The following PDGFA variants were observed in gnomAD, a reference collection of about 807,000 sequenced individuals.
The protein encoded by PDGFA is platelet derived growth factor subunit A.
A neutral mutation model predicts 25.6 loss-of-function variants in PDGFA; 9 were observed. That is an observed-to-expected ratio of 0.35 (90% CI 0.21 to 0.61). The LOEUF is 0.61. PDGFA is among the 20% of genes least tolerant of loss of function. PDGFA has a pLI of 0.75. For synonymous variants in PDGFA, 133 were observed against 111.8 expected (o/e 1.19, Z -1.20); for missense variants, 242 against 272.8 (o/e 0.89, Z 0.79).
In PDGFA at chr7:517,729, G is replaced by GC. The variant is rs575457977; in HGVS notation, c.64-240dup. 0.029 allele frequency among the ~76,000 whole-genome samples: 4,263 copies of GC among 145,038 alleles called. 122 individuals carry two copies. Among genetic ancestry groups the GC allele is most frequent in the African/African-American group, 0.079 (3,096 of 39,030 alleles). ...ATGTTCCGCCCTTTGCAAAATCAAA[G>GC]CCCCCCCCCCTTTATATTTTCAGAC... On this transcript the variant is annotated intron_variant, in intron 1 of 5. Transcript: ENST00000402802. This position sits in a 1 kb window ranked among gnomAD's most constrained non-coding sequence, Gnocchi z 7.4.
At chr7:511,875 G>A (rs778786438) in intron 3 of PDGFA, among the ~76,000 whole-genome samples, 69 of 152,262 alleles carry the variant, frequency 4.5e-4, no homozygotes, top group Non-Finnish European at 7.8e-4. Flanking sequence ...TGAGTGGGGC[G>A]GGGCACACGG....
At chr7:518,681 C>A (rs1020709602) in intron 1 of PDGFA, among the ~76,000 whole-genome samples, 1 of 152,136 alleles carries the variant, frequency 6.6e-6, no homozygotes, top group African/African-American at 2.4e-5. Flanking sequence ...GAGGACACTG[C>A]GCCCCCCGAA....
chr7:514,701 C>T (rs1006263869), intron 2 of PDGFA, among the ~76,000 whole-genome samples: 4 of 152,224 alleles, frequency 2.6e-5, no homozygotes, highest in Non-Finnish European at 1.5e-5. Flanking sequence ...TTTACGTTAT[C>T]AGCCGCTCAA....
At chr7:515,188 T>C (rs1291443583) in intron 2 of PDGFA, among the ~76,000 whole-genome samples, 1 of 152,286 alleles carries the variant, frequency 6.6e-6, no homozygotes. Flanking sequence ...GGAAGGGTTA[T>C]AAAGGGACTC....
At chr7:509,578 A>C (rs1166474738) in intron 4 of PDGFA, among the ~76,000 whole-genome samples, 2 of 152,148 alleles carry the variant, frequency 1.3e-5, no homozygotes, top group African/African-American at 2.4e-5. Flanking sequence ...GGTGTGAGCC[A>C]CCTCGCCTGG....
At chr7:518,888 G>T in intron 1 of PDGFA, 51 bp downstream of exon 1, 2 of 1,277,072 alleles carry the variant, frequency 1.6e-6, no homozygotes, top group South Asian at 1.4e-5. Flanking sequence ...CCGGCGGGGG[G>T]TGTGCGCCGG....
intron 2 of PDGFA, chr7:512,663 A>T: frequency 6.7e-7 from 1 of 1,502,892 alleles, no homozygotes; most frequent in Non-Finnish European, 8.9e-7. Flanking sequence ...GGCATGAAAC[A>T]CTGGAAACCG....
chr7:506,410 C>T (rs1351829670), intron 4 of PDGFA, among the ~76,000 whole-genome samples: 1 of 152,102 alleles, frequency 6.6e-6, no homozygotes, highest in Non-Finnish European at 1.5e-5. Flanking sequence ...AGGACCTCCA[C>T]TCCGCCCACC....
At position 500,210 on chromosome 7, in the gene PDGFA, GA is replaced by G. The variant is rs1782264529; in HGVS notation, c.580+905del. Among the ~76,000 whole-genome samples the G allele has an allele frequency of 6.6e-6, 1 of 152,236 alleles. No individual in the cohort carries two copies. The highest frequency in any genetic ancestry group is 2.4e-5 in the African/African-American group (1 of 41,464). Reference sequence around the variant, plus strand: ...AACGACAAAGAGAAGGACAAAGCTGGAGGCAGGCTCCCAAGCGGGAGTGAGC... The same window carrying G: ...AACGACAAAGAGAAGGACAAAGCTGGGGCAGGCTCCCAAGCGGGAGTGAGC... On this transcript the variant is annotated intron_variant, in intron 5 of 5. Transcript: ENST00000402802. This position sits in a 1 kb window ranked among gnomAD's most constrained non-coding sequence, Gnocchi z 5.0.
exon 6 of PDGFA, chr7:498,536 T>C (rs1782194946): frequency 6.2e-7 from 1 of 1,605,626 alleles, no homozygotes; most frequent in Non-Finnish European, 8.5e-7. Context: ...TGTACATCCA[T>C]GTCCCAGGAA....
intron 2 of PDGFA, among the ~76,000 whole-genome samples, chr7:515,001 A>G (rs1006753723): frequency 3.3e-5 from 5 of 152,054 alleles, no homozygotes; most frequent in East Asian, 3.9e-4. Flanking sequence ...AGTCTCCCCA[A>G]CTGTACAGTG....
intron 4 of PDGFA, 116 bp downstream of exon 4, chr7:510,693 C>G: frequency 2.0e-6 from 1 of 496,026 alleles, no homozygotes; most frequent in Non-Finnish European, 3.5e-6. Flanking sequence ...TAGGGGCGGC[C>G]CCGGGCTTGG....
intron 1 of PDGFA, chr7:518,605 C>A (rs1014995408): frequency 1.6e-4 from 48 of 303,938 alleles, no homozygotes; most frequent in Admixed American, 1.6e-3. Context: ...TCACACACAC[C>A]CCCTTCCCCG....
At chr7:502,231 T>TA (rs1235866690) in intron 4 of PDGFA, among the ~76,000 whole-genome samples, 1 of 151,596 alleles carries the variant, frequency 6.6e-6, no homozygotes, top group Non-Finnish European at 1.5e-5. Context: ...CTATTAATAT[T>TA]AAAAAAAAAT....
chr7:513,013 A>G (rs961842748), intron 2 of PDGFA: 6 of 192,690 alleles, frequency 3.1e-5, no homozygotes, highest in Non-Finnish European at 6.6e-5. Context: ...GGGCACTGGA[A>G]GCCGCCAGAC....
At chr7:511,221 G>C (rs1454755405) in intron 3 of PDGFA, among the ~76,000 whole-genome samples, 1 of 147,224 alleles carries the variant, frequency 6.8e-6, no homozygotes, top group Non-Finnish European at 1.5e-5. Flanking sequence ...AGGCTGGAGG[G>C]ACCTGGACAG....
intron 4 of PDGFA, among the ~76,000 whole-genome samples, chr7:510,280 T>C (rs948610581): frequency 3.3e-5 from 5 of 151,980 alleles, no homozygotes; most frequent in African/African-American, 1.2e-4. Flanking sequence ...TTCTCCTCCC[T>C]GGGCCTCAGT....
At chr7:507,714 A>T (rs1338611172) in intron 4 of PDGFA, among the ~76,000 whole-genome samples, 1 of 152,164 alleles carries the variant, frequency 6.6e-6, no homozygotes, top group Non-Finnish European at 1.5e-5. Context: ...GGGCCTCCAA[A>T]ATATAACCAG....
chr7:506,449 G>T (rs1435967498), intron 4 of PDGFA, among the ~76,000 whole-genome samples: 1 of 151,940 alleles, frequency 6.6e-6, no homozygotes, highest in Non-Finnish European at 1.5e-5. Context: ...ACCCCAGAGA[G>T]TGGACAGAGT....
Sources: allele counts gnomAD v4.1 joint callset (sites outside exome capture counted in the v4.1 genomes callset), GRCh38; gene constraint gnomAD v4.1.1; non-coding constraint Gnocchi (gnomAD v3.1); transcripts MANE v1.5; gene names NCBI Gene and HGNC (gene_info 2026-07-23, HGNC 2026-07-21).